Variants in CTNNA3 observed in about 807,000 individuals in gnomAD.
The protein encoded by CTNNA3 is catenin alpha 3.
A neutral mutation model predicts 95.7 loss-of-function variants in CTNNA3; 76 were observed. That is an observed-to-expected ratio of 0.79 (90% confidence interval 0.66 to 0.96). The LOEUF (loss-of-function observed/expected upper bound fraction) is 0.96. Among genes scored for constraint, CTNNA3 ranks in the 40% least tolerant of loss-of-function variants. The probability of loss-of-function intolerance (pLI) is 0.00; values close to 1 mark genes in which losing one functional copy is unlikely to be tolerated. For synonymous variants in CTNNA3, 431 were observed against 374.4 expected (o/e 1.15, Z -1.74); for missense variants, 1,191 against 1,089.8 (o/e 1.09, Z -1.31).
intron 7 of CTNNA3, among the ~76,000 whole-genome samples, chr10:66,815,433 A>C (rs939033616): frequency 6.6e-6 from 1 of 152,166 alleles, no homozygotes; most frequent in African/African-American, 2.4e-5. Context: ...AAGTTCCCTC[A>C]AAGCCCCATT....
intron 7 of CTNNA3, among the ~76,000 whole-genome samples, chr10:66,987,144 G>A (rs1242879300): frequency 1.3e-5 from 2 of 152,168 alleles, no homozygotes; most frequent in Non-Finnish European, 2.9e-5. Context: ...AGCCACGTGC[G>A]TAGGTTTTGA....
At chr10:66,928,422 C>T in intron 7 of CTNNA3, 1 of 1,611,068 alleles carries the variant, frequency 6.2e-7, no homozygotes, top group Non-Finnish European at 8.5e-7. Flanking sequence ...GACCCTGCAC[C>T]TATAACAAAT....
chr10:67,630,701 G>A (rs567578362), intron 2 of CTNNA3, among the ~76,000 whole-genome samples: 41 of 152,022 alleles, frequency 2.7e-4, no homozygotes, highest in Middle Eastern at 6.8e-3. Context: ...AGAGGTGAAC[G>A]ACAAAGAAAT....
At chr10:66,097,696 G>C (rs2081452253) in intron 14 of CTNNA3, among the ~76,000 whole-genome samples, 1 of 152,048 alleles carries the variant, frequency 6.6e-6, no homozygotes, top group South Asian at 2.1e-4. Flanking sequence ...ATTTTATGAA[G>C]AGCCTTTTTA....
intron 2 of CTNNA3, among the ~76,000 whole-genome samples, chr10:67,631,140 T>C (rs992579879): frequency 2.0e-5 from 3 of 152,180 alleles, no homozygotes; most frequent in African/African-American, 4.8e-5. Context: ...CATAAAAATG[T>C]AATTGCTGAG....
chr10:66,660,859 T>C (rs946331000), intron 9 of CTNNA3, among the ~76,000 whole-genome samples: 2 of 152,176 alleles, frequency 1.3e-5, no homozygotes, highest in Non-Finnish European at 2.9e-5. Flanking sequence ...TTATTCCTTA[T>C]TTATTGACTT....
intron 12 of CTNNA3, among the ~76,000 whole-genome samples, chr10:66,346,211 GTATATATATATATATA>G (rs368554085): frequency 0.013 from 1,318 of 105,236 alleles, 14 homozygotes; most frequent in Non-Finnish European, 0.015. Flanking sequence ...ATGTGTGTGT[GTATATATATATATATA>G]TATATATATA....
At chr10:66,487,132 C>CGATAGTAATAATA (rs924863673) in intron 11 of CTNNA3, among the ~76,000 whole-genome samples, 2 of 135,466 alleles carry the variant, frequency 1.5e-5, no homozygotes, top group African/African-American at 5.6e-5. Context: ...AGCATGGTGA[C>CGATAGTAATAATA]GATAGTAATA....
At chr10:66,607,643 T>C (rs1589487735) in intron 10 of CTNNA3, among the ~76,000 whole-genome samples, 2 of 151,664 alleles carry the variant, frequency 1.3e-5, no homozygotes, top group Non-Finnish European at 3.0e-5. Flanking sequence ...GGATGCAAGG[T>C]TGATTCAAAT....
At chr10:67,062,698 T>C (rs1855829480) in intron 7 of CTNNA3, among the ~76,000 whole-genome samples, 1 of 152,136 alleles carries the variant, frequency 6.6e-6, no homozygotes, top group Non-Finnish European at 1.5e-5. Flanking sequence ...CCTTATACAC[T>C]TTTCCCTGCA....
intron 1 of CTNNA3, among the ~76,000 whole-genome samples, chr10:67,694,655 T>C (rs1013173693): frequency 2.0e-5 from 3 of 151,938 alleles, no homozygotes; most frequent in African/African-American, 7.3e-5. Context: ...CACTGTAGAA[T>C]AGGTAATATT....
intron 9 of CTNNA3, among the ~76,000 whole-genome samples, chr10:66,669,242 GT>G (rs1197085277): frequency 6.6e-6 from 1 of 152,012 alleles, no homozygotes; most frequent in Non-Finnish European, 1.5e-5. Context: ...AGCAGATCAT[GT>G]TAAAAGAAAT....
At chr10:67,069,299 T>A (rs1440216692) in intron 7 of CTNNA3, among the ~76,000 whole-genome samples, 1 of 152,068 alleles carries the variant, frequency 6.6e-6, no homozygotes, top group African/African-American at 2.4e-5. Context: ...TCTAGTGCAT[T>A]TCTTTTACCC....
chr10:66,100,058 A>G (rs2081556236), intron 14 of CTNNA3, among the ~76,000 whole-genome samples: 1 of 152,158 alleles, frequency 6.6e-6, no homozygotes, highest in African/African-American at 2.4e-5. Flanking sequence ...TTTTCTTCCA[A>G]TAAGCAGAGT....
At chr10:65,928,246 AT>A (rs1336137438) in intron 17 of CTNNA3, among the ~76,000 whole-genome samples, 1 of 152,012 alleles carries the variant, frequency 6.6e-6, no homozygotes, top group Non-Finnish European at 1.5e-5. Context: ...AGTCAAAATG[AT>A]TTTCTTTTCT....
chr10:66,479,386 A>G (rs1254769972), intron 11 of CTNNA3, among the ~76,000 whole-genome samples: 1 of 152,012 alleles, frequency 6.6e-6, no homozygotes, highest in East Asian at 1.9e-4. Context: ...GACTCTTTGT[A>G]CTTTCATATA....
intron 5 of CTNNA3, chr10:67,403,247 C>T (rs1236637634): frequency 6.6e-6 from 1 of 152,322 alleles, no homozygotes; most frequent in Non-Finnish European, 1.5e-5. Flanking sequence ...CAGGACTTCC[C>T]AATAGGGACC....
intron 7 of CTNNA3, among the ~76,000 whole-genome samples, chr10:66,851,794 C>G (rs147368081): frequency 1.1e-4 from 16 of 152,226 alleles, no homozygotes; most frequent in African/African-American, 3.9e-4. Context: ...AACTATGAGC[C>G]AGTTAAACCT....
intron 1 of CTNNA3, among the ~76,000 whole-genome samples, chr10:67,715,988 TGACTGTAGCTAATCAGCTGGATAAGCAG>T (rs1357995508): frequency 6.6e-6 from 1 of 152,174 alleles, no homozygotes; most frequent in Non-Finnish European, 1.5e-5. Context: ...GTAACTTAAT[TGACTGTAGCTAATCAGCTGGATAAGCAG>T]GACCTTTACT....
Sources: gnomAD v4.1 joint callset for allele counts (sites outside exome capture counted in the v4.1 genomes callset) on GRCh38, gnomAD v4.1.1 for gene constraint, MANE v1.5 for transcripts, NCBI Gene and HGNC (gene_info 2026-07-23, HGNC 2026-07-21) for gene names.